The following RASAL1 variants were observed in gnomAD, a reference collection of about 807,000 sequenced individuals.
RASAL1 encodes the protein RAS protein activator like 1.
A neutral mutation model predicts 96.6 loss-of-function variants in RASAL1; 72 were observed. That is an observed-to-expected ratio of 0.75 (90% CI 0.62 to 0.91). The LOEUF is 0.91. RASAL1 is among the 40% of genes least tolerant of loss of function. RASAL1 has a pLI of 0.00. For synonymous variants in RASAL1, 405 were observed against 430.4 expected (o/e 0.94, Z 0.73); for missense variants, 1,016 against 1,072.5 (o/e 0.95, Z 0.74).
At position 113,114,882 on chromosome 12, in the gene RASAL1, G is replaced by A. The variant is rs775516448; in HGVS notation, c.1099C>T (p.Leu367=). Reference sequence around the variant, plus strand: ...AAGACACGGCTAATCACAGGCTTCAGGACCTCGTGCAGGTAGGGCATGCCC... The same window carrying A: ...AAGACACGGCTAATCACAGGCTTCAAGACCTCGTGCAGGTAGGGCATGCCC... ...LVGMPYLHEV[L]KPVISRVFEE... is the part of the protein sequence containing the mutation. Residue 367 remains leucine, a synonymous_variant, in exon 12 of 21, where the codon CTG becomes TTG. Coordinates refer to ENST00000548055, the MANE Select transcript of RASAL1 (RefSeq NM_001301202.2). 29 of 1,613,996 alleles carry A rather than the reference G, an allele frequency of 1.8e-5. No individual in the cohort carries two copies. The South Asian group carries it at 3.2e-4, about 18-fold the overall frequency.
rs915053657 is a variant in RASAL1, at chr12:113,129,233, G to A, written c.123-1055C>T. On this transcript the variant is annotated intron_variant, in intron 2 of 20. Coordinates refer to ENST00000548055, the MANE Select transcript of RASAL1 (RefSeq NM_001301202.2). The surrounding 1 kb of genome is among the most constrained non-coding windows in gnomAD (Gnocchi z 5.0). ...CTGGTTGGGTCGTGGGGGTAGGGTC[G>A]GAGGGGATTAGGGAAGGCTTCCTGT... 7.2e-5 allele frequency among the ~76,000 whole-genome samples: 11 copies of A among 152,198 alleles called. No homozygotes were observed. Among genetic ancestry groups the A allele is most frequent in the East Asian group, 1.9e-4 (1 of 5,206 alleles).
At chr12:113,126,158 C>T (rs1951472262) in intron 4 of RASAL1, among the ~76,000 whole-genome samples, 1 of 151,770 alleles carries the variant, frequency 6.6e-6, no homozygotes, top group South Asian at 2.1e-4. Flanking sequence ...GGTGGCAGAC[C>T]CCTGTAATCC....
chr12:113,101,436 T>A (rs922962212), intron 19 of RASAL1, among the ~76,000 whole-genome samples: 2 of 152,046 alleles, frequency 1.3e-5, no homozygotes, highest in African/African-American at 4.8e-5. Flanking sequence ...TAAATAAATT[T>A]TTTTAAAAAG....
At position 113,102,008 on chromosome 12, in the gene RASAL1, G is replaced by A. The variant is rs114752692; in HGVS notation, c.2106C>T (p.Ala702=). The A allele has an allele frequency of 7.5e-4, 1,212 of 1,613,000 alleles. 13 individuals are homozygous for A. The African/African-American group carries it at 0.014, about 19-fold the overall frequency. The change falls in exon 19 of 21, where the codon GCC becomes GCT. Residue 702 remains alanine (A), a splice_region_variant and synonymous_variant. Transcript: ENST00000548055. The part of the protein sequence containing the change: ...WTCCLQAERS[A]AGCSRTHSAV... Reference sequence around the variant, plus strand: ...CTGAGTGTGTACGGCTGCAGCCGGCGGCTGAGGGAACACAGCTTCATTCAT... The same window carrying A: ...CTGAGTGTGTACGGCTGCAGCCGGCAGCTGAGGGAACACAGCTTCATTCAT...
intron 4 of RASAL1, among the ~76,000 whole-genome samples, chr12:113,124,624 T>C (rs1292648075): frequency 6.6e-6 from 1 of 152,220 alleles, no homozygotes; most frequent in African/African-American, 2.4e-5. Flanking sequence ...TGGGTTGGAC[T>C]CTGATTTCTG....
rs148454620 is a variant in RASAL1, at chr12:113,115,446, C to T, written c.1004-182G>A. 0.021 allele frequency among the ~76,000 whole-genome samples: 3,190 copies of T among 152,236 alleles called. 60 individuals are homozygous for T. The highest frequency in any genetic ancestry group is 0.049 in the Admixed American group (751 of 15,294). On this transcript the variant is annotated intron_variant, in intron 10 of 20. Coordinates refer to ENST00000548055, the MANE Select transcript of RASAL1 (RefSeq NM_001301202.2). This position sits in a 1 kb window ranked among gnomAD's most constrained non-coding sequence, Gnocchi z 4.1. ...GTGAATTGCCTGAGGTCACACAGCC[C>T]ACAAGTAGCAAAGCCAGGGCCTGAA...
chr12:113,112,154 C>T lies in RASAL1; in HGVS notation c.1306G>A (p.Ala436Thr), dbSNP rs1049091761. The stretch of plus-strand genomic sequence containing the variant: ...AGCTGCTTGAAGGCGAGGCGCATGG[C>T]GGGCGGGCAGCGCCCCACGGAGCCC... ...IVGSVGRCPP[A>T]MRLAFKQLHR... The change falls in exon 13 of 21, where the codon GCC becomes ACC. Residue 436 changes from alanine (A) to threonine (T), a missense_variant. Transcript: ENST00000548055. The T allele has an allele frequency of 3.9e-5, 49 of 1,253,172 alleles. No homozygotes were observed. Among genetic ancestry groups the T allele is most frequent in the Non-Finnish European group, 4.5e-5 (45 of 991,576 alleles). The allele number at this position is 1,253,172 out of a possible 1,614,324, so 77.6% of individuals were successfully genotyped here. A position where few individuals can be genotyped will look rare whatever the true frequency, so the allele number is the denominator to read the frequency against.
chr12:113,119,530 C>A (rs1283464044), intron 5 of RASAL1, 87 bp from the exon 6 acceptor site: 1 of 1,294,136 alleles, frequency 7.7e-7, no homozygotes, highest in Admixed American at 2.0e-5. Flanking sequence ...ATTCCAATGT[C>A]GCTGGTTTCC....
At chr12:113,114,327 A>G (rs1950979480) in intron 12 of RASAL1, among the ~76,000 whole-genome samples, 1 of 152,030 alleles carries the variant, frequency 6.6e-6, no homozygotes, top group African/African-American at 2.4e-5. Flanking sequence ...GTAAAAACTT[A>G]GCTGGGCATG....
rs1592963133 is a variant in RASAL1, at chr12:113,130,329, A to G, written c.122+556T>C. ...CAAATCAGCTGGCATTGGTGTTCAC[A>G]TGCATGTGCAGGGCAGCCATGTGCA... On this transcript the variant is annotated intron_variant, in intron 2 of 20. Transcript: ENST00000548055. This position sits in a 1 kb window ranked among gnomAD's most constrained non-coding sequence, Gnocchi z 5.1. 6.6e-6 allele frequency among the ~76,000 whole-genome samples: 1 copy of G among 152,208 alleles called. No homozygotes were observed. Among genetic ancestry groups the G allele is most frequent in the East Asian group, 1.9e-4 (1 of 5,190 alleles).
chr12:113,114,747 C>T, intron 12 of RASAL1, 53 bp downstream of exon 12: 1 of 1,496,000 alleles, frequency 6.7e-7, no homozygotes, highest in Non-Finnish European at 9.3e-7. Flanking sequence ...AGACAAGGCT[C>T]CGGGTAGCCA....
chr12:113,106,849 G>T (rs1950664279), intron 15 of RASAL1, among the ~76,000 whole-genome samples: 1 of 152,136 alleles, frequency 6.6e-6, no homozygotes, highest in African/African-American at 2.4e-5. Context: ...TTTGTCAATG[G>T]CATGCACACC....
intron 16 of RASAL1, among the ~76,000 whole-genome samples, chr12:113,105,151 A>G (rs1294961671): frequency 1.3e-5 from 2 of 152,156 alleles, no homozygotes; most frequent in African/African-American, 2.4e-5. Context: ...ACAGCTCCCC[A>G]TTCGGGAGAT....
chr12:113,107,015 G>A, intron 15 of RASAL1, 82 bp downstream of exon 15: 4 of 1,416,622 alleles, frequency 2.8e-6, no homozygotes, highest in Non-Finnish European at 3.9e-6. Flanking sequence ...GTGCTGAGGA[G>A]CTGGAGGGGG....
rs1337819630 is a variant in RASAL1 at position 113,135,407 on chromosome 12, G to T, written c.56C>A (p.Ala19Asp). The stretch of plus-strand genomic sequence containing the variant: ...CCCGAGGAGTACTCACACGTCCTTG[G>T]CAGGCAGCGCGCGGCCCTCCACCAC... Reference protein sequence around the residue: ...VRVVEGRALPAKDVSGSSDPY... With the variant: ...VRVVEGRALPDKDVSGSSDPY... The change falls in exon 1 of 21, where the codon GCC becomes GAC. Residue 19 changes from alanine (A) to aspartate (D), a missense_variant. Ala to Asp is a moderately radical substitution (Grantham distance 126). Transcript: ENST00000548055. This position sits in a 1 kb window ranked among gnomAD's most constrained non-coding sequence, Gnocchi z 5.7. The T allele has an allele frequency of 1.6e-5, 25 of 1,609,228 alleles. No homozygotes were observed. The highest frequency in any genetic ancestry group is 2.1e-5 in the Non-Finnish European group (25 of 1,178,314).
At chr12:113,101,143 G>C (rs1481465229) in intron 19 of RASAL1, among the ~76,000 whole-genome samples, 2 of 152,220 alleles carry the variant, frequency 1.3e-5, no homozygotes, top group Non-Finnish European at 2.9e-5. Flanking sequence ...GGGTGCAGTG[G>C]CTCATGCCTG....
intron 13 of RASAL1, among the ~76,000 whole-genome samples, chr12:113,109,114 C>G (rs1340118338): frequency 6.7e-6 from 1 of 148,984 alleles, no homozygotes; most frequent in Admixed American, 6.7e-5. Context: ...CTCCTAATCT[C>G]AAGTGATCCA....
intron 14 of RASAL1, 76 bp from the exon 15 acceptor site, chr12:113,107,317 T>C (rs1018870791): frequency 6.2e-6 from 9 of 1,455,292 alleles, no homozygotes; most frequent in Non-Finnish European, 7.3e-6. Flanking sequence ...CCCAAATCAG[T>C]GCTCAATAAA....
intron 5 of RASAL1, among the ~76,000 whole-genome samples, chr12:113,120,155 C>G (rs1951238826): frequency 6.6e-6 from 1 of 152,206 alleles, no homozygotes; most frequent in South Asian, 2.1e-4. Flanking sequence ...CACCACCCCA[C>G]CCCCACACCA....
Sources: allele counts gnomAD v4.1 joint callset (sites outside exome capture counted in the v4.1 genomes callset), GRCh38; gene constraint gnomAD v4.1.1; non-coding constraint Gnocchi (gnomAD v3.1); transcripts MANE v1.5; gene names NCBI Gene and HGNC (gene_info 2026-07-23, HGNC 2026-07-21).